HHIP: variants seen among roughly 807,000 people sequenced by gnomAD.
HHIP encodes hedgehog-interacting protein.
A neutral mutation model predicts 74.0 loss-of-function variants in HHIP; 12 were observed. The observed-to-expected ratio is 0.16, with a 90% CI of 0.10 to 0.26. The LOEUF is 0.26. HHIP is among the 10% of genes least tolerant of loss of function. The pLI is 1.00. For missense variants in HHIP, 788 were observed against 845.0 expected, an observed-to-expected ratio of 0.93 and a Z score of 0.84; for synonymous variants, 309 against 311.6, an observed-to-expected ratio of 0.99 and a Z score of 0.09.
In HHIP at chr4:144,743,541, T is replaced by C. The variant is rs1414625254; in HGVS notation, c.*5584T>C. ...GTTACTTCTCACATACATCATAAAG[T>C]CAGCCATCATCTTTCATTTAGGATT... On this transcript the variant is annotated 3_prime_UTR_variant, in exon 13 of 13. Coordinates refer to ENST00000296575, the MANE Select transcript of HHIP (RefSeq NM_022475.3). 2.6e-5 allele frequency: 4 copies of C among 152,056 alleles called. No individual in the cohort carries two copies. Among genetic ancestry groups the C allele is most frequent in the Admixed American group, 6.6e-5 (1 of 15,264 alleles). 9.4% of individuals were successfully genotyped at this position (152,056 alleles called of 1,614,324 possible).
intron 4 of HHIP, among the ~76,000 whole-genome samples, chr4:144,663,425 C>A (rs544934839): frequency 7.2e-5 from 11 of 152,152 alleles, no homozygotes; most frequent in African/African-American, 1.4e-4. Flanking sequence ...ACTGATGTAG[C>A]CTGAGCCAAA....
At chr4:144,649,187 A>G (rs748592498) in intron 1 of HHIP, among the ~76,000 whole-genome samples, 13 of 152,082 alleles carry the variant, frequency 8.5e-5, no homozygotes, top group Non-Finnish European at 1.6e-4. Flanking sequence ...TAATGTGTAT[A>G]CAGGAGAGAT....
chr4:144,695,590 T>G (rs570114435), intron 4 of HHIP, among the ~76,000 whole-genome samples: 1 of 151,884 alleles, frequency 6.6e-6, no homozygotes, highest in African/African-American at 2.4e-5. Context: ...AACACACAAA[T>G]GTCGGGGTCT....
intron 4 of HHIP, 88 bp downstream of exon 4, chr4:144,659,926 A>G: frequency 1.0e-6 from 1 of 971,604 alleles, no homozygotes; most frequent in Non-Finnish European, 1.6e-6. Context: ...ATTTCTTTGT[A>G]ATAAAAGAAA....
At chr4:144,688,399 T>A (rs1729545216) in intron 4 of HHIP, among the ~76,000 whole-genome samples, 1 of 152,182 alleles carries the variant, frequency 6.6e-6, no homozygotes. Context: ...AGTCTTTTTT[T>A]TTTTGAAGTC....
chr4:144,681,752 A>G (rs1324522872), intron 4 of HHIP, among the ~76,000 whole-genome samples: 1 of 152,218 alleles, frequency 6.6e-6, no homozygotes, highest in East Asian at 1.9e-4. Context: ...ATCTCACAGC[A>G]GCATGCTTTA....
chr4:144,733,831 C>T (rs556048191), intron 11 of HHIP, among the ~76,000 whole-genome samples: 3 of 152,264 alleles, frequency 2.0e-5, no homozygotes, highest in South Asian at 4.1e-4. Flanking sequence ...TGACTCCAGC[C>T]TGACCCAGCT....
In HHIP at chr4:144,737,809, C is replaced by T. The variant is rs748074465; in HGVS notation, c.1955C>T (p.Pro652Leu). ...CGTCATGGAGGTGTCTGTGTTAGAC[C>T]GAACAAGTGCCTCTGTAAAAAAGGA... ...ACRHGGVCVR[P>L]NKCLCKKGYL... Residue 652 changes from proline (P) to leucine (L), a missense_variant, in exon 13 of 13, where the codon CCG (proline) becomes CTG (leucine). Around this residue, in one of 3 missense-constraint regions of HHIP, gnomAD observed 343 missense variants for 347.9 expected, o/e 0.99. Coordinates refer to ENST00000296575, the MANE Select transcript of HHIP (RefSeq NM_022475.3). 8 of 1,613,070 alleles carry T rather than the reference C, an allele frequency of 5.0e-6. No individual in the cohort carries two copies. Among genetic ancestry groups the T allele is most frequent in the South Asian group, 1.1e-5 (1 of 90,960 alleles).
intron 7 of HHIP, among the ~76,000 whole-genome samples, chr4:144,709,593 GC>G (rs1730233768): frequency 6.6e-6 from 1 of 152,160 alleles, no homozygotes; most frequent in African/African-American, 2.4e-5. Flanking sequence ...AGTATTCTAA[GC>G]AGAAGACGAT....
At chr4:144,706,705 C>G (rs754931081) in intron 5 of HHIP, 23 bp downstream of exon 5, 6 of 1,562,632 alleles carry the variant, frequency 3.8e-6, no homozygotes, top group Non-Finnish European at 5.2e-6. Flanking sequence ...GGCATCGAAG[C>G]ATAGAAATTT....
At chr4:144,665,008 TTTATG>T (rs1294791442) in intron 4 of HHIP, among the ~76,000 whole-genome samples, 2 of 152,196 alleles carry the variant, frequency 1.3e-5, no homozygotes, top group African/African-American at 4.8e-5. Flanking sequence ...TTACAAACCG[TTTATG>T]TTATGTAAAA....
Position 144,742,162 on chromosome 4 carries a change from T to C in HHIP, c.*4205T>C, listed in dbSNP as rs1731276844. The stretch of plus-strand genomic sequence containing the variant: ...TATTGGTTTTGCCTAAATAGACATG[T>C]TCTCAATACACCCATGTTGAAGGTA... On this transcript the variant is annotated 3_prime_UTR_variant, in exon 13 of 13. Transcript: ENST00000296575. The C allele has an allele frequency of 6.6e-6, 1 of 152,180 alleles. No homozygotes were observed. Among genetic ancestry groups the C allele is most frequent in the Admixed American group, 6.6e-5 (1 of 15,266 alleles). The allele number at this position is 152,180 out of a possible 1,614,324, so 9.4% of individuals were successfully genotyped here.
intron 4 of HHIP, among the ~76,000 whole-genome samples, chr4:144,675,204 T>G (rs1471243012): frequency 6.6e-6 from 1 of 152,170 alleles, no homozygotes; most frequent in African/African-American, 2.4e-5. Context: ...TAGATAAAAT[T>G]TAGGAAACAC....
At chr4:144,655,579 C>T (rs1307514605) in intron 2 of HHIP, among the ~76,000 whole-genome samples, 1 of 152,138 alleles carries the variant, frequency 6.6e-6, no homozygotes, top group South Asian at 2.1e-4. Context: ...GGGTTTGATT[C>T]AACTGAATTT....
chr4:144,716,681 C>T (rs1730452185), intron 10 of HHIP, among the ~76,000 whole-genome samples: 1 of 151,596 alleles, frequency 6.6e-6, no homozygotes. Context: ...AGCTCTGTCT[C>T]TACAAAAACT....
intron 4 of HHIP, among the ~76,000 whole-genome samples, chr4:144,680,652 T>C (rs1328353136): frequency 6.6e-6 from 1 of 152,364 alleles, no homozygotes; most frequent in East Asian, 1.9e-4. Context: ...TGCCATTCAT[T>C]GATGAATTCA....
chr4:144,699,305 G>GC (rs1014521857), intron 4 of HHIP, among the ~76,000 whole-genome samples: 18 of 152,264 alleles, frequency 1.2e-4, no homozygotes, highest in African/African-American at 4.3e-4. Context: ...GGTTTACTAT[G>GC]AAGGATACGA....
chr4:144,667,465 T>A (rs1728906500), intron 4 of HHIP, among the ~76,000 whole-genome samples: 1 of 152,238 alleles, frequency 6.6e-6, no homozygotes, highest in Non-Finnish European at 1.5e-5. Context: ...ACAAAGTTAT[T>A]GACGCATGTG....
At chr4:144,671,722 C>T (rs1231167808) in intron 4 of HHIP, among the ~76,000 whole-genome samples, 1 of 152,180 alleles carries the variant, frequency 6.6e-6, no homozygotes, top group Non-Finnish European at 1.5e-5. Context: ...GGGTCAGCCA[C>T]GCCTGTAATC....
Sources: allele counts gnomAD v4.1 joint callset (sites outside exome capture counted in the v4.1 genomes callset), GRCh38; gene constraint gnomAD v4.1.1; regional missense constraint gnomAD v4.1.1; transcripts MANE v1.5; gene names NCBI Gene and HGNC (gene_info 2026-07-23, HGNC 2026-07-21).